The following ACTN2 variants were observed in gnomAD, a reference collection of about 807,000 sequenced individuals.
ACTN2 encodes actinin alpha 2.
ACTN2 carries 39 observed loss-of-function variants against 113.8 expected under a neutral mutation model. The observed-to-expected ratio is 0.34, with a 90% CI of 0.27 to 0.45. ACTN2 has a LOEUF of 0.45. Ranked by LOEUF, ACTN2 falls within the 20% of genes least tolerant of loss-of-function variation. ACTN2 has a pLI of 1.00. For synonymous variants in ACTN2, 429 were observed against 444.1 expected (o/e 0.97, Z 0.43); for missense variants, 992 against 1,177.9 (o/e 0.84, Z 2.31).
chr1:236,739,856 C>T (rs1659015146), intron 10 of ACTN2, among the ~76,000 whole-genome samples: 2 of 152,116 alleles, frequency 1.3e-5, no homozygotes, highest in Admixed American at 6.6e-5. Context: ...TCTTCTGTTC[C>T]CTGCTGTTAC....
Position 236,686,595 on chromosome 1 carries a change from C to T in ACTN2, c.-79C>T, listed in dbSNP as rs1323027094. 80 of 1,435,032 alleles carry T rather than the reference C, an allele frequency of 5.6e-5. No homozygotes were observed. Among genetic ancestry groups the T allele is most frequent in the Non-Finnish European group, 7.1e-5 (78 of 1,096,146 alleles). 88.9% of individuals were successfully genotyped at this position (1,435,032 alleles called of 1,614,324 possible). A position where few individuals can be genotyped will look rare whatever the true frequency, so the allele number is the denominator to read the frequency against. On this transcript the variant is annotated 5_prime_UTR_variant, in exon 1 of 21. Transcript: ENST00000366578. ...CGCGCCCGCCGCCCGCCGCCCGCCG[C>T]CTCCGTGGGTCCGTTTGCCAGTCAG...
At chr1:236,722,096 A>G (rs1224145693) in intron 4 of ACTN2, among the ~76,000 whole-genome samples, 1 of 152,174 alleles carries the variant, frequency 6.6e-6, no homozygotes, top group Non-Finnish European at 1.5e-5. Context: ...CTTCAAGCAG[A>G]TGGTTCTGCA....
At chr1:236,734,080 A>G (rs35684907) in intron 7 of ACTN2, among the ~76,000 whole-genome samples, 9,843 of 152,206 alleles carry the variant, frequency 0.065, 372 homozygotes, top group Admixed American at 0.13. Context: ...TGGGCCCTCC[A>G]TGTGTGTAGT....
At position 236,761,006 on chromosome 1, in the gene ACTN2, T is replaced by C. The variant is rs150475268; in HGVS notation, c.2368-9T>C. ...TTCGTGTACATGTTTCTTTGCCACT[T>C]TGCCCCAGGGTGAAGCCGAATTTGC... is the stretch of plus-strand genomic sequence containing the variant. On this transcript the variant is annotated splice_polypyrimidine_tract_variant and intron_variant, in intron 19 of 20. Coordinates refer to ENST00000366578, the MANE Select transcript of ACTN2 (RefSeq NM_001103.4). 6.2e-7 allele frequency: 1 copy of C among 1,614,212 alleles called. No individual in the cohort carries two copies. Among genetic ancestry groups the C allele is most frequent in the East Asian group, 2.2e-5 (1 of 44,884 alleles).
In ACTN2 at chr1:236,731,213, C is replaced by G. The variant is rs1658703249; in HGVS notation, c.616-20C>G. On this transcript the variant is annotated intron_variant, in intron 6 of 20. Transcript: ENST00000366578. ...TTCAAAATATATTTTAAAAATCTGA[C>G]TGTCTTGGTTTTCATACAGGATGAC... is the stretch of plus-strand genomic sequence containing the variant. 1.3e-6 allele frequency: 2 copies of G among 1,582,716 alleles called. No homozygotes were observed. The highest frequency in any genetic ancestry group is 1.7e-6 in the Non-Finnish European group (2 of 1,151,782).
chr1:236,758,325 C>CG (rs758844837), intron 18 of ACTN2, among the ~76,000 whole-genome samples: 4,414 of 136,952 alleles, frequency 0.032, 240 homozygotes, highest in Middle Eastern at 0.11. Flanking sequence ...CTCGCTCTGT[C>CG]ACCAGGCTGG....
chr1:236,731,038 T>A (rs1295312525), intron 6 of ACTN2, among the ~76,000 whole-genome samples, 195 bp from the exon 7 acceptor site: 1 of 152,200 alleles, frequency 6.6e-6, no homozygotes, highest in African/African-American at 2.4e-5. Flanking sequence ...GCATGGATTT[T>A]GTGGTTTCTG....
intron 8 of ACTN2, 116 bp downstream of exon 8, chr1:236,735,836 T>C (rs1658856633): frequency 1.0e-6 from 1 of 974,090 alleles, no homozygotes; most frequent in East Asian, 2.6e-5. Context: ...TCTTTCTGAG[T>C]GTTTTCTAAT....
At chr1:236,732,070 T>C (rs1572125830) in intron 7 of ACTN2, among the ~76,000 whole-genome samples, 1 of 152,264 alleles carries the variant, frequency 6.6e-6, no homozygotes, top group East Asian at 1.9e-4. Flanking sequence ...AATATTATTA[T>C]TCCCTAGTGG....
At chr1:236,743,517 T>G (rs980874089) in intron 11 of ACTN2, among the ~76,000 whole-genome samples, 1 of 152,082 alleles carries the variant, frequency 6.6e-6, no homozygotes, top group Admixed American at 6.5e-5. Context: ...ATTCATCTAC[T>G]TTTTTCAGGC....
chr1:236,709,276 ATATGTATATATATG>A (rs1657940079), intron 1 of ACTN2, among the ~76,000 whole-genome samples: 2 of 139,066 alleles, frequency 1.4e-5, no homozygotes, highest in Non-Finnish European at 3.1e-5. Flanking sequence ...ACACACATAT[ATATGTATATATATG>A]TATATATGTA....
chr1:236,707,522 C>T (rs1217209941), intron 1 of ACTN2, among the ~76,000 whole-genome samples: 1 of 152,082 alleles, frequency 6.6e-6, no homozygotes, highest in East Asian at 1.9e-4. Flanking sequence ...GTTTCAACCC[C>T]ACGGCACCAC....
intron 1 of ACTN2, among the ~76,000 whole-genome samples, chr1:236,687,419 G>C (rs1351578693): frequency 6.6e-6 from 1 of 152,146 alleles, no homozygotes; most frequent in East Asian, 1.9e-4. Flanking sequence ...TTTGATTGGC[G>C]TTCTCTGGGG....
chr1:236,697,050 C>T (rs1419091334), intron 1 of ACTN2, among the ~76,000 whole-genome samples: 1 of 152,212 alleles, frequency 6.6e-6, no homozygotes, highest in Non-Finnish European at 1.5e-5. Context: ...CTAGCCTTAT[C>T]TCTAATGTCT....
intron 7 of ACTN2, chr1:236,734,579 C>A: frequency 7.8e-7 from 1 of 1,279,432 alleles, no homozygotes; most frequent in South Asian, 1.4e-5. Context: ...AATTTTTTTT[C>A]AATTGTTTTC....
chr1:236,735,642 G>C lies in ACTN2; in HGVS notation c.705G>C (p.Val235=), dbSNP rs2288599. 5.8e-3 allele frequency: 9,387 copies of C among 1,613,988 alleles called. 346 individuals carry two copies. The East Asian group carries it at 0.088, about 15-fold the overall frequency. The change falls in exon 8 of 21, where the codon GTG becomes GTC. Residue 235 remains valine, a synonymous_variant. Transcript: ENST00000366578. ...TATTTTCTCCCCCTTCAGACATCGT[G>C]AACACCCCTAAACCCGATGAAAGAG... is the stretch of plus-strand genomic sequence containing the variant. The part of the protein sequence containing the change: ...IPKMLDAEDI[V]NTPKPDERAI...
rs565308802 is a variant in ACTN2, at chr1:236,699,190, A to G, written c.126+12391A>G. 2.3e-3 allele frequency among the ~76,000 whole-genome samples: 347 copies of G among 152,308 alleles called. 4 individuals carry two copies. Among genetic ancestry groups the G allele is most frequent in the African/African-American group, 7.6e-3 (314 of 41,550 alleles). ...TTCTGCTCGGATTTGTAACCAACCC[A>G]GAGCAGAAGCCTGGGATTCAGTATT... On this transcript the variant is annotated intron_variant, in intron 1 of 20. Coordinates refer to ENST00000366578, the MANE Select transcript of ACTN2 (RefSeq NM_001103.4).
intron 1 of ACTN2, among the ~76,000 whole-genome samples, chr1:236,697,248 C>G: frequency 6.6e-6 from 1 of 152,042 alleles, no homozygotes; most frequent in South Asian, 2.1e-4. Flanking sequence ...ATGGCTTGAG[C>G]TGGGGAGGTT....
At chr1:236,749,061 C>T (rs1306925322) in intron 13 of ACTN2, 63 bp from the exon 14 acceptor site, 2 of 1,579,486 alleles carry the variant, frequency 1.3e-6, no homozygotes, top group Non-Finnish European at 1.7e-6. Context: ...GGAACGCCTA[C>T]TTACACTTTC....
Sources: allele counts gnomAD v4.1 joint callset (sites outside exome capture counted in the v4.1 genomes callset), GRCh38; gene constraint gnomAD v4.1.1; transcripts MANE v1.5; gene names NCBI Gene and HGNC (gene_info 2026-07-23, HGNC 2026-07-21).